Variants in MCPH1 observed in about 807,000 individuals in gnomAD.
MCPH1 encodes microcephalin 1.
A neutral mutation model predicts 84.5 loss-of-function variants in MCPH1; 104 were observed. The ratio of observed to expected loss-of-function variants is 1.23; its 90% confidence interval spans 1.05 to 1.45. The LOEUF is 1.45. Among genes scored for constraint, MCPH1 ranks in the 40% most tolerant of loss-of-function variants. The pLI, the probability that MCPH1 is intolerant of heterozygous loss-of-function variation, is 0.00. For missense variants in MCPH1, 1,498 were observed against 1,005.7 expected (o/e 1.49, Z -6.62); for synonymous variants, 514 against 366.8 (o/e 1.40, Z -4.58).
chr8:6,574,450 A>G (rs984223514), intron 12 of MCPH1, among the ~76,000 whole-genome samples: 1 of 152,228 alleles, frequency 6.6e-6, no homozygotes, highest in Non-Finnish European at 1.5e-5. Flanking sequence ...CAGTGACGCT[A>G]CTTCCAAATA....
intron 12 of MCPH1, among the ~76,000 whole-genome samples, chr8:6,565,764 T>C (rs1586654072): frequency 6.6e-6 from 1 of 152,280 alleles, no homozygotes; most frequent in East Asian, 1.9e-4. Flanking sequence ...GAGAGACCCA[T>C]AAACAAATTG....
At chr8:6,524,603 T>C (rs1817987156) in intron 12 of MCPH1, among the ~76,000 whole-genome samples, 1 of 152,218 alleles carries the variant, frequency 6.6e-6, no homozygotes, top group Non-Finnish European at 1.5e-5. Context: ...ACCTACCATG[T>C]ACGAGGTGTT....
intron 12 of MCPH1, among the ~76,000 whole-genome samples, chr8:6,519,358 G>A (rs1319096188): frequency 6.6e-6 from 1 of 152,142 alleles, no homozygotes; most frequent in Non-Finnish European, 1.5e-5. Context: ...CCATCCCCGT[G>A]TGAGGCAGGG....
intron 13 of MCPH1, chr8:6,625,936 T>G: frequency 1.0e-6 from 1 of 984,540 alleles, no homozygotes; most frequent in Non-Finnish European, 1.2e-6. Flanking sequence ...TCTTTTCTTT[T>G]CCTTTCTTTA....
chr8:6,555,715 G>A (rs879884437), intron 12 of MCPH1, among the ~76,000 whole-genome samples: 13 of 152,004 alleles, frequency 8.6e-5, no homozygotes, highest in Non-Finnish European at 1.5e-4. Context: ...CACCCGCTTC[G>A]GCCTCCGAAA....
chr8:6,462,715 C>A (rs577081356), intron 9 of MCPH1, among the ~76,000 whole-genome samples: 5 of 152,186 alleles, frequency 3.3e-5, no homozygotes, highest in Non-Finnish European at 7.3e-5. Context: ...GCCTATACTT[C>A]TTTGTGTATA....
intron 9 of MCPH1, among the ~76,000 whole-genome samples, chr8:6,471,807 A>T (rs558644870): frequency 1.3e-5 from 2 of 152,306 alleles, no homozygotes; most frequent in African/African-American, 4.8e-5. Context: ...ACGGGGCTCT[A>T]ACACAGCCCC....
intron 4 of MCPH1, among the ~76,000 whole-genome samples, chr8:6,432,919 A>T (rs2440422): frequency 0.67 from 101,599 of 152,174 alleles, 38,030 homozygotes; most frequent in Non-Finnish European, 0.81. Context: ...AAACACAGAC[A>T]TCTCTTTGAT....
intron 13 of MCPH1, chr8:6,625,619 G>C (rs1309508643): frequency 1.0e-6 from 1 of 985,272 alleles, no homozygotes. Flanking sequence ...GCTTTGTAAG[G>C]TAGGGTCCCT....
intron 9 of MCPH1, among the ~76,000 whole-genome samples, chr8:6,460,347 A>T (rs1806142707): frequency 6.6e-6 from 1 of 151,770 alleles, no homozygotes; most frequent in Admixed American, 6.6e-5. Context: ...TTTAACATGT[A>T]TTATTTTTCA....
chr8:6,446,342 TTC>T, intron 8 of MCPH1: 1 of 984,942 alleles, frequency 1.0e-6, no homozygotes. Flanking sequence ...TGAGAACGCA[TTC>T]TCTCTGCATG....
chr8:6,463,081 G>C (rs2920659), intron 9 of MCPH1, among the ~76,000 whole-genome samples: 40,190 of 152,184 alleles, frequency 0.26, 7,834 homozygotes, highest in African/African-American at 0.55. Flanking sequence ...GTCTTGGGCA[G>C]GGGGTGAGTA....
intron 12 of MCPH1, among the ~76,000 whole-genome samples, chr8:6,581,768 A>T (rs1827584794): frequency 6.6e-6 from 1 of 152,178 alleles, no homozygotes; most frequent in Non-Finnish European, 1.5e-5. Context: ...CTTATAAACG[A>T]TAGAAATTTA....
At position 6,445,322 on chromosome 8, in the gene MCPH1, C is replaced by G. The variant is rs1206473891; in HGVS notation, c.1600C>G (p.Leu534Val). ...GFSYTIEDPA[L>V]PKGHDDDLTP... ...TTCTTACACCATTGAGGACCCTGCT[C>G]TTCCAAAAGGACATGATGATGATTT... The change falls in exon 8 of 14, where the codon CTT (leucine) becomes GTT (valine). Residue 534 changes from leucine to valine, a missense_variant. Leu to Val is a conservative substitution (Grantham distance 32, BLOSUM62 1). Coordinates refer to ENST00000344683, the MANE Select transcript of MCPH1 (RefSeq NM_024596.5). 6.2e-7 allele frequency: 1 copy of G among 1,614,204 alleles called. No individual in the cohort carries two copies.
At chr8:6,511,009 T>C (rs1814971622) in intron 12 of MCPH1, among the ~76,000 whole-genome samples, 1 of 152,232 alleles carries the variant, frequency 6.6e-6, no homozygotes, top group African/African-American at 2.4e-5. Context: ...TCCATTGTCT[T>C]CCCATTAATC....
At chr8:6,510,406 T>C (rs985106669) in intron 12 of MCPH1, among the ~76,000 whole-genome samples, 13 of 152,344 alleles carry the variant, frequency 8.5e-5, no homozygotes, top group African/African-American at 1.9e-4. Flanking sequence ...CCCTTCTTTG[T>C]AAAACCTGCT....
chr8:6,476,296 G>A (rs2129559237), intron 9 of MCPH1, among the ~76,000 whole-genome samples: 1 of 152,096 alleles, frequency 6.6e-6, no homozygotes, highest in South Asian at 2.1e-4. Context: ...CGGTATGGTA[G>A]TGGGCGCCTG....
chr8:6,518,107 G>T (rs1370918581), intron 12 of MCPH1, among the ~76,000 whole-genome samples: 1 of 152,128 alleles, frequency 6.6e-6, no homozygotes, highest in Non-Finnish European at 1.5e-5. Flanking sequence ...CAGTGCACTG[G>T]GGTGGGAAGC....
At chr8:6,423,255 T>C (rs1254689498) in intron 3 of MCPH1, among the ~76,000 whole-genome samples, 1 of 139,334 alleles carries the variant, frequency 7.2e-6, no homozygotes, top group East Asian at 2.2e-4. Flanking sequence ...AGTGGTGCAA[T>C]CTTGGCTCAC....
Sources: gnomAD v4.1 joint callset for allele counts (sites outside exome capture counted in the v4.1 genomes callset) on GRCh38, gnomAD v4.1.1 for gene constraint, MANE v1.5 for transcripts, NCBI Gene and HGNC (gene_info 2026-07-23, HGNC 2026-07-21) for gene names.